The following HDAC4 variants were observed in gnomAD, a reference collection of about 807,000 sequenced individuals.
HDAC4 encodes the protein histone deacetylase A.
HDAC4 carries 16 observed loss-of-function variants against 135.1 expected under a neutral mutation model. The observed-to-expected ratio is 0.12, with a 90% confidence interval of 0.08 to 0.18. The LOEUF is 0.18. Among genes scored for constraint, HDAC4 ranks in the 10% least tolerant of loss-of-function variants. HDAC4 has a pLI of 1.00. For missense variants in HDAC4, 1,143 were observed against 1,511.8 expected, an observed-to-expected ratio of 0.76 and a Z score of 4.05; for synonymous variants, 685 against 653.4, an observed-to-expected ratio of 1.05 and a Z score of -0.74.
intron 3 of HDAC4, among the ~76,000 whole-genome samples, chr2:239,198,575 C>G (rs964482641): frequency 2.6e-5 from 4 of 152,138 alleles, no homozygotes; most frequent in Non-Finnish European, 5.9e-5. Flanking sequence ...GGATCATAGT[C>G]GCTGGAGAGC....
intron 3 of HDAC4, among the ~76,000 whole-genome samples, chr2:239,200,099 CCA>C (rs2045662831): frequency 6.6e-6 from 1 of 152,184 alleles, no homozygotes; most frequent in Non-Finnish European, 1.5e-5. Context: ...GTCTTAGAGA[CCA>C]CAGTCTGGAG....
chr2:239,140,845 C>T (rs540087669), intron 8 of HDAC4: 23 of 402,986 alleles, frequency 5.7e-5, no homozygotes, highest in East Asian at 9.5e-5. Context: ...CTGGAGCCCA[C>T]GAGGACGCAG....
intron 1 of HDAC4, among the ~76,000 whole-genome samples, chr2:239,389,098 A>G (rs1454071044): frequency 6.6e-6 from 1 of 152,192 alleles, no homozygotes; most frequent in African/African-American, 2.4e-5. Context: ...AAATGCACCA[A>G]TCAGCACTCT....
intron 1 of HDAC4, among the ~76,000 whole-genome samples, chr2:239,372,948 G>A (rs1427335818): frequency 6.6e-6 from 1 of 150,576 alleles, no homozygotes; most frequent in African/African-American, 2.4e-5. Flanking sequence ...CATGTCTCGG[G>A]GGAGTCCGTC....
intron 6 of HDAC4, among the ~76,000 whole-genome samples, chr2:239,160,533 G>A (rs1056548477): frequency 3.3e-5 from 5 of 152,222 alleles, no homozygotes; most frequent in African/African-American, 4.8e-5. Context: ...TCTCACAGTC[G>A]ATTCACTTTG....
chr2:239,254,748 T>C (rs2125015635), intron 2 of HDAC4, among the ~76,000 whole-genome samples: 1 of 152,344 alleles, frequency 6.6e-6, no homozygotes, highest in South Asian at 2.1e-4. Flanking sequence ...CGAATGAGAA[T>C]ATTCCAGAAT....
At chr2:239,181,091 G>A (rs1345802535) in intron 4 of HDAC4, among the ~76,000 whole-genome samples, 2 of 152,242 alleles carry the variant, frequency 1.3e-5, no homozygotes, top group Non-Finnish European at 2.9e-5. Context: ...CAGCAGCAGA[G>A]AGAGCAGATC....
intron 24 of HDAC4, among the ~76,000 whole-genome samples, chr2:239,065,385 A>C (rs2033343126): frequency 6.6e-6 from 1 of 152,204 alleles, no homozygotes; most frequent in African/African-American, 2.4e-5. Flanking sequence ...GGTTCCCCAA[A>C]CATAAGGGAC....
At chr2:239,289,818 C>T (rs916137369) in intron 2 of HDAC4, among the ~76,000 whole-genome samples, 2 of 152,234 alleles carry the variant, frequency 1.3e-5, no homozygotes, top group Non-Finnish European at 1.5e-5. Context: ...TATAACCCTC[C>T]GTTTCCCTAC....
chr2:239,120,384 C>CACACACAGACGT (rs2039542310), intron 12 of HDAC4, among the ~76,000 whole-genome samples: 7 of 151,130 alleles, frequency 4.6e-5, no homozygotes, highest in Admixed American at 6.6e-5. Context: ...CCCGCAGAGG[C>CACACACAGACGT]ACACACAGAC....
chr2:239,310,141 G>C (rs895318521), intron 2 of HDAC4, among the ~76,000 whole-genome samples: 1 of 152,248 alleles, frequency 6.6e-6, no homozygotes, highest in African/African-American at 2.4e-5. Context: ...GTCCGTGGCA[G>C]TCATTCAGCC....
intron 2 of HDAC4, among the ~76,000 whole-genome samples, chr2:239,287,416 A>C (rs60098564): frequency 0.021 from 3,222 of 152,340 alleles, 110 homozygotes; most frequent in African/African-American, 0.074. Context: ...GAGGAAGGTC[A>C]CAGAGACCAA....
At position 239,078,267 on chromosome 2, in the gene HDAC4, T is replaced by A. The variant is rs537019989; in HGVS notation, c.2750+2828A>T. Among the ~76,000 whole-genome samples, 9 of 152,348 alleles carry A rather than the reference T, an allele frequency of 5.9e-5. 1 individual carries two copies. In the South Asian group the frequency reaches 1.5e-3, roughly 25 times the overall value. On this transcript the variant is annotated intron_variant, in intron 22 of 26. Transcript: ENST00000543185. ...CGAGTCTCCGGGCCTGAGGAGAAAG[T>A]GCCGGCTGCTTCTGGATTTCATTAG...
intron 2 of HDAC4, among the ~76,000 whole-genome samples, chr2:239,329,503 C>CACCGGGACACACCTCCTCCT (rs1559367093): frequency 6.6e-6 from 1 of 151,432 alleles, no homozygotes; most frequent in African/African-American, 2.4e-5. Context: ...CCCCTCCTCC[C>CACCGGGACACACCTCCTCCT]ACCGGGACAC....
chr2:239,255,533 C>T (rs1000933405), intron 2 of HDAC4, among the ~76,000 whole-genome samples: 1 of 152,170 alleles, frequency 6.6e-6, no homozygotes, highest in African/African-American at 2.4e-5. Context: ...TATTCTTACA[C>T]AGCCTTCACT....
chr2:239,287,127 CA>C (rs1361123201), intron 2 of HDAC4, among the ~76,000 whole-genome samples: 7 of 152,180 alleles, frequency 4.6e-5, no homozygotes, highest in Admixed American at 3.9e-4. Context: ...GCATGCGTCA[CA>C]CTTCGTGAGC....
At chr2:239,320,382 CAAAAAAA>C (rs11343522) in intron 2 of HDAC4, among the ~76,000 whole-genome samples, 3 of 61,300 alleles carry the variant, frequency 4.9e-5, no homozygotes, top group East Asian at 7.7e-4. Context: ...GACTTCATCT[CAAAAAAA>C]AAAAAAAAAA....
intron 1 of HDAC4, among the ~76,000 whole-genome samples, chr2:239,393,325 C>A (rs1039287151): frequency 6.6e-6 from 1 of 152,224 alleles, no homozygotes; most frequent in Non-Finnish European, 1.5e-5. Context: ...CATCACCCAG[C>A]TGGAGCCAGG....
At chr2:239,118,472 G>C (rs978401889) in intron 12 of HDAC4, among the ~76,000 whole-genome samples, 2 of 152,190 alleles carry the variant, frequency 1.3e-5, no homozygotes, top group African/African-American at 4.8e-5. Context: ...TCGCAGGGAG[G>C]AGAGTGCAGC....
Sources: gnomAD v4.1 joint callset for allele counts (sites outside exome capture counted in the v4.1 genomes callset) on GRCh38, gnomAD v4.1.1 for gene constraint, MANE v1.5 for transcripts, NCBI Gene and HGNC (gene_info 2026-07-23, HGNC 2026-07-21) for gene names.